RCSD1: variants seen among roughly 807,000 people sequenced by gnomAD.
RCSD1 encodes RCSD domain containing 1, also known as capZ-interacting protein.
RCSD1 carries 26 observed loss-of-function variants against 42.5 expected under a neutral mutation model. The ratio of observed to expected loss-of-function variants is 0.61; its 90% CI spans 0.45 to 0.85. The LOEUF is 0.85. RCSD1 is among the 40% of genes least tolerant of loss of function. RCSD1 has a pLI of 0.00. For synonymous variants in RCSD1, 220 were observed against 212.2 expected (o/e 1.04, Z -0.32); for missense variants, 571 against 528.3 (o/e 1.08, Z -0.79).
At chr1:167,633,703 T>C (rs916636534) in intron 1 of RCSD1, 2 of 152,176 alleles carry the variant, frequency 1.3e-5, no homozygotes, top group South Asian at 4.1e-4. Context: ...TTCTGCTCCA[T>C]GGACAGTAGG....
intron 1 of RCSD1, among the ~76,000 whole-genome samples, chr1:167,656,674 C>T (rs1658431967): frequency 6.6e-6 from 1 of 152,154 alleles, no homozygotes; most frequent in African/African-American, 2.4e-5. Context: ...GGACAGGACG[C>T]CTTCCACATA....
intron 1 of RCSD1, among the ~76,000 whole-genome samples, chr1:167,672,468 C>G (rs1658833103): frequency 6.6e-6 from 1 of 152,192 alleles, no homozygotes; most frequent in African/African-American, 2.4e-5. Flanking sequence ...TCTGAAGGGT[C>G]TAGGGAAGAA....
chr1:167,704,708 T>C lies in RCSD1; in HGVS notation c.*12T>C, dbSNP rs1337186160. The C allele has an allele frequency of 6.2e-7, 1 of 1,612,138 alleles. No homozygotes were observed. The highest frequency in any genetic ancestry group is 8.5e-7 in the Non-Finnish European group (1 of 1,178,536). On this transcript the variant is annotated 3_prime_UTR_variant, in exon 7 of 7. Coordinates refer to ENST00000367854, the MANE Select transcript of RCSD1 (RefSeq NM_052862.4). Reference sequence around the variant, plus strand: ...ACACTAAAATGTGAAGAACAGCTCATTGTGCCCCAGTGATGAAGTTGCTGG... The same window carrying C: ...ACACTAAAATGTGAAGAACAGCTCACTGTGCCCCAGTGATGAAGTTGCTGG...
chr1:167,649,391 C>G (rs755739971), intron 1 of RCSD1, among the ~76,000 whole-genome samples: 1 of 152,182 alleles, frequency 6.6e-6, no homozygotes, highest in African/African-American at 2.4e-5. Context: ...AAGGGGCTAG[C>G]CTTGACACTG....
chr1:167,673,094 G>A (rs368921438), intron 1 of RCSD1, among the ~76,000 whole-genome samples: 16 of 152,286 alleles, frequency 1.1e-4, no homozygotes, highest in African/African-American at 2.6e-4. Flanking sequence ...CTGACCTTGC[G>A]TTCTTACCAG....
chr1:167,699,703 AC>A (rs2101723769), intron 6 of RCSD1, among the ~76,000 whole-genome samples: 1 of 152,308 alleles, frequency 6.6e-6, no homozygotes, highest in Non-Finnish European at 1.5e-5. Flanking sequence ...GATTGGATGT[AC>A]CCACCTCTCC....
At position 167,687,921 on chromosome 1, in the gene RCSD1, A is replaced by G. The variant is rs533290605; in HGVS notation, c.199-2128A>G. Among the ~76,000 whole-genome samples the G allele has an allele frequency of 4.6e-5, 7 of 152,372 alleles. No individual in the cohort carries two copies. The South Asian group carries it at 6.2e-4, about 14-fold the overall frequency. On this transcript the variant is annotated intron_variant, in intron 3 of 6. Transcript: ENST00000367854. ...CAGATCCTGCCTCCTATACTCAGAA[A>G]AGGCTGAAAAGCATTCCCATCTGGA...
rs1457702965 is a variant in RCSD1, at chr1:167,687,539, G to GA, written c.198+2033dup. On this transcript the variant is annotated intron_variant, in intron 3 of 6. Transcript: ENST00000367854. ...CTCCGTCTCAAAAAAAAAAAAAAAA[G>GA]AAAAGAAATTCACATAGAAATAAAA... 7.0e-3 allele frequency among the ~76,000 whole-genome samples: 1,032 copies of GA among 146,452 alleles called. 16 individuals carry two copies. Among genetic ancestry groups the GA allele is most frequent in the African/African-American group, 0.026 (985 of 38,338 alleles).
At chr1:167,651,988 C>T (rs1425186541) in intron 1 of RCSD1, among the ~76,000 whole-genome samples, 1 of 151,332 alleles carries the variant, frequency 6.6e-6, no homozygotes, top group African/African-American at 2.4e-5. Context: ...GGAGGAGGTT[C>T]CCCCAGCCCA....
intron 1 of RCSD1, among the ~76,000 whole-genome samples, chr1:167,655,867 C>T (rs1658415154): frequency 6.6e-6 from 1 of 152,152 alleles, no homozygotes; most frequent in Non-Finnish European, 1.5e-5. Context: ...AATACTTGTT[C>T]ATTTAGGCAA....
At chr1:167,693,735 G>C (rs1279989385) in intron 4 of RCSD1, among the ~76,000 whole-genome samples, 11 of 152,196 alleles carry the variant, frequency 7.2e-5, no homozygotes, top group Non-Finnish European at 1.6e-4. Context: ...TGATGAGAAA[G>C]GGGATCACAG....
chr1:167,686,636 T>G (rs1659243243), intron 3 of RCSD1, among the ~76,000 whole-genome samples: 1 of 152,232 alleles, frequency 6.6e-6, no homozygotes, highest in Admixed American at 6.5e-5. Flanking sequence ...GAGCACAGTT[T>G]AAAAACACTG....
At chr1:167,636,212 A>C (rs1280798688) in intron 1 of RCSD1, among the ~76,000 whole-genome samples, 2 of 152,220 alleles carry the variant, frequency 1.3e-5, no homozygotes, top group African/African-American at 2.4e-5. Flanking sequence ...TTCCATGGGA[A>C]GGGCCTCCAG....
intron 1 of RCSD1, among the ~76,000 whole-genome samples, chr1:167,682,564 G>A (rs539504588): frequency 1.3e-5 from 2 of 152,242 alleles, no homozygotes; most frequent in South Asian, 4.2e-4. Context: ...CTTGCTCCAA[G>A]GGGACAGCAT....
intron 1 of RCSD1, among the ~76,000 whole-genome samples, chr1:167,671,430 C>T (rs1346846326): frequency 6.6e-6 from 1 of 152,196 alleles, no homozygotes; most frequent in Non-Finnish European, 1.5e-5. Flanking sequence ...TGCCATTTCA[C>T]CCCGGAAGGG....
At position 167,660,480 on chromosome 1, in the gene RCSD1, T is replaced by G. The variant is rs145422596; in HGVS notation, c.7-23420T>G. 2.4e-3 allele frequency among the ~76,000 whole-genome samples: 365 copies of G among 152,118 alleles called. 2 individuals are homozygous for G. Among genetic ancestry groups the G allele is most frequent in the East Asian group, 4.4e-3 (23 of 5,186 alleles). On this transcript the variant is annotated intron_variant, in intron 1 of 6. Transcript: ENST00000367854. The stretch of plus-strand genomic sequence containing the variant: ...GCTCCTTAATTCACTGTTTTGTTTT[T>G]TTTTTTTTAGAAACAGGGTCTTACT...
intron 4 of RCSD1, among the ~76,000 whole-genome samples, chr1:167,691,149 A>G (rs1300853071): frequency 6.6e-6 from 1 of 152,184 alleles, no homozygotes; most frequent in Admixed American, 6.5e-5. Context: ...GCACGGCAAG[A>G]TGTTCAGCAG....
rs750347257 is a variant in RCSD1 at position 167,701,251 on chromosome 1, A to AGTTTGTTT, written c.1219-3409_1219-3408insGTTTGTTT. On this transcript the variant is annotated intron_variant, in intron 6 of 6. Transcript: ENST00000367854. ...TTGACGCCACTTAACCCAATTGCCT[A>AGTTTGTTT]GTTTCTTTCTTTCTTTCTTTCTTTC... 6.0e-3 allele frequency among the ~76,000 whole-genome samples: 705 copies of AGTTTGTTT among 116,970 alleles called. 2 individuals are homozygous for AGTTTGTTT. The highest frequency in any genetic ancestry group is 0.029 in the Middle Eastern group (6 of 206). 76.7% of individuals were successfully genotyped at this position (116,970 alleles called of 152,430 possible). A position where few individuals can be genotyped will look rare whatever the true frequency, so the allele number is the denominator to read the frequency against.
chr1:167,646,551 C>T (rs1194382453), intron 1 of RCSD1, among the ~76,000 whole-genome samples: 4 of 150,082 alleles, frequency 2.7e-5, no homozygotes, highest in African/African-American at 7.4e-5. Flanking sequence ...CTTTAAGTTC[C>T]GGGATACATG....
Sources: allele counts gnomAD v4.1 joint callset (sites outside exome capture counted in the v4.1 genomes callset), GRCh38; gene constraint gnomAD v4.1.1; transcripts MANE v1.5; gene names NCBI Gene and HGNC (gene_info 2026-07-23, HGNC 2026-07-21).